Variants in SLC2A14 observed in about 807,000 individuals in gnomAD.
The protein encoded by SLC2A14 is solute carrier family 2, facilitated glucose transporter member 14.
SLC2A14 carries 13 observed loss-of-function variants against 43.0 expected under a neutral mutation model. The observed-to-expected ratio is 0.30, with a 90% CI of 0.20 to 0.48. The LOEUF is 0.48. SLC2A14 is among the 20% of genes least tolerant of loss of function. SLC2A14 has a pLI of 0.99. For synonymous variants in SLC2A14, 190 were observed against 233.8 expected (o/e 0.81, Z 1.71); for missense variants, 428 against 620.4 (o/e 0.69, Z 3.29).
intron 2 of SLC2A14, among the ~76,000 whole-genome samples, chr12:7,853,496 A>T (rs1226224774): frequency 1.3e-5 from 2 of 150,568 alleles, no homozygotes; most frequent in African/African-American, 4.9e-5. Flanking sequence ...GCTACTTGGG[A>T]GGCTGAGGCA....
At chr12:7,841,910 CAGG>C (rs1288942866) in intron 2 of SLC2A14, among the ~76,000 whole-genome samples, 5 of 151,578 alleles carry the variant, frequency 3.3e-5, no homozygotes, top group Non-Finnish European at 5.9e-5. Context: ...GAGGCTGAGG[CAGG>C]AGAATTGACT....
At chr12:7,816,320 G>A (rs1417635644) in intron 10 of SLC2A14, among the ~76,000 whole-genome samples, 1 of 52,506 alleles carries the variant, frequency 1.9e-5, no homozygotes, top group Admixed American at 2.5e-4. Context: ...TAGCCAGGAT[G>A]GTCTCGATCT....
chr12:7,850,463 T>C (rs890572696), intron 2 of SLC2A14, among the ~76,000 whole-genome samples: 3 of 151,902 alleles, frequency 2.0e-5, no homozygotes, highest in Non-Finnish European at 4.4e-5. Flanking sequence ...TGGTGTGATC[T>C]CGGCTCACTG....
chr12:7,827,095 C>CTTTCTCTTTCTT (rs1555122319), intron 7 of SLC2A14, among the ~76,000 whole-genome samples: 1 of 53,570 alleles, frequency 1.9e-5, no homozygotes, highest in African/African-American at 6.4e-5. Context: ...TTCTTTCTTT[C>CTTTCTCTTTCTT]TCTTTCTTTC....
intron 2 of SLC2A14, among the ~76,000 whole-genome samples, chr12:7,858,145 A>G (rs764971317): frequency 6.6e-6 from 1 of 152,218 alleles, no homozygotes; most frequent in African/African-American, 2.4e-5. Flanking sequence ...AAAAAAACAA[A>G]AACAAAATTT....
chr12:7,829,751 G>C lies in SLC2A14; in HGVS notation c.513+15C>G, dbSNP rs937148600. On this transcript the variant is annotated intron_variant, in intron 5 of 10. Transcript: ENST00000431042. Reference sequence around the variant, plus strand: ...TGAAACTAACACTCATTAAGTATGAGAAGTTCTAGAGTACCTGGGCCACCA... The same window carrying C: ...TGAAACTAACACTCATTAAGTATGACAAGTTCTAGAGTACCTGGGCCACCA... 6.2e-7 allele frequency: 1 copy of C among 1,613,582 alleles called. No homozygotes were observed. The highest frequency in any genetic ancestry group is 1.3e-5 in the African/African-American group (1 of 74,832).
chr12:7,847,206 T>C (rs7961726), intron 2 of SLC2A14, among the ~76,000 whole-genome samples: 76,171 of 151,604 alleles, frequency 0.5, 19,152 homozygotes, highest in Middle Eastern at 0.62. Flanking sequence ...GACCCAAGAT[T>C]GTGCCATTGC....
At chr12:7,820,356 G>T (rs372039499) in intron 8 of SLC2A14, among the ~76,000 whole-genome samples, 1 of 152,136 alleles carries the variant, frequency 6.6e-6, no homozygotes, top group African/African-American at 2.4e-5. Flanking sequence ...AGAGGATGTC[G>T]TGGGAATCCT....
chr12:7,887,525 A>G (rs1945706122), intron 1 of SLC2A14, among the ~76,000 whole-genome samples: 1 of 152,006 alleles, frequency 6.6e-6, no homozygotes, highest in African/African-American at 2.4e-5. Flanking sequence ...GCCCTCACAG[A>G]GCTTATATTC....
chr12:7,816,772 A>T (rs1863491614), intron 10 of SLC2A14, among the ~76,000 whole-genome samples: 1 of 151,752 alleles, frequency 6.6e-6, no homozygotes, highest in Non-Finnish European at 1.5e-5. Flanking sequence ...TCATGGCAAG[A>T]TCTTGGCTCA....
chr12:7,885,022 T>C (rs1031796389), intron 1 of SLC2A14, among the ~76,000 whole-genome samples: 2 of 152,128 alleles, frequency 1.3e-5, no homozygotes, highest in African/African-American at 4.8e-5. Context: ...GATGGTTTAG[T>C]CTTTTGAACT....
At chr12:7,842,992 T>G (rs909699450) in intron 2 of SLC2A14, among the ~76,000 whole-genome samples, 19 of 152,198 alleles carry the variant, frequency 1.2e-4, no homozygotes, top group African/African-American at 4.6e-4. Flanking sequence ...CCTCCCAAAG[T>G]GCTGGGATTA....
intron 7 of SLC2A14, among the ~76,000 whole-genome samples, chr12:7,826,854 CTTTCTTTTTTCT>C (rs1368071445): frequency 2.3e-3 from 19 of 8,250 alleles, no homozygotes; most frequent in East Asian, 6.3e-3. Context: ...TCCTTCCTTC[CTTTCTTTTTTCT>C]TTCTTTCTTT....
chr12:7,822,113 C>A (rs1863968896), intron 7 of SLC2A14, among the ~76,000 whole-genome samples: 1 of 151,106 alleles, frequency 6.6e-6, no homozygotes, highest in Non-Finnish European at 1.5e-5. Context: ...CGTGAGCCAC[C>A]ACGCCTGGCC....
At chr12:7,886,056 C>T (rs1367603818) in intron 1 of SLC2A14, among the ~76,000 whole-genome samples, 1 of 150,106 alleles carries the variant, frequency 6.7e-6, no homozygotes, top group African/African-American at 2.4e-5. Flanking sequence ...GCGATCTCAG[C>T]TCACTGCAAC....
rs1444670975 is a variant in SLC2A14 at position 7,828,761 on chromosome 12, G to A, written c.619C>T (p.Pro207Ser). 19 of 1,613,964 alleles carry A rather than the reference G, an allele frequency of 1.2e-5. No homozygotes were observed. Among genetic ancestry groups the A allele is most frequent in the Middle Eastern group, 1.6e-4 (1 of 6,084 alleles). Residue 207 changes from proline to serine, a missense_variant, in exon 6 of 11, where the codon CCT becomes TCT. Physicochemically the swap from Pro to Ser is moderately conservative, Grantham distance 74. Around this residue, in one of 4 missense-constraint regions of SLC2A14, gnomAD observed 185 missense variants for 275.4 expected, o/e 0.67. Coordinates refer to ENST00000431042, the MANE Select transcript of SLC2A14 (RefSeq NM_001286234.2). Reference sequence around the variant, plus strand: ...ATGAGCAAAAATCTGGGACTTTCAGGGCAACATGGAAGGGCTGCACTTTGC... The same window carrying A: ...ATGAGCAAAAATCTGGGACTTTCAGAGCAACATGGAAGGGCTGCACTTTGC... ...ILQSAALPCC[P>S]ESPRFLLINR...
Position 7,831,684 on chromosome 12 carries a change from C to A in SLC2A14, c.192G>T (p.Trp64Cys). ...PPSEVLLTNL[W>C]SLSVAIFSVG... ...CGGAAAATATGGCCACAGACAAGGA[C>A]CAGAGATTCGTGAGCAGCACCTCAG... The change falls in exon 4 of 11, where the codon TGG (tryptophan) becomes TGT (cysteine). Residue 64 changes from tryptophan (W) to cysteine (C), a missense_variant. Around this residue, in one of 4 missense-constraint regions of SLC2A14, gnomAD observed 122 missense variants for 128.8 expected, o/e 0.95. Transcript: ENST00000431042. The A allele has an allele frequency of 6.2e-7, 1 of 1,614,168 alleles. No homozygotes were observed. The highest frequency in any genetic ancestry group is 1.3e-5 in the African/African-American group (1 of 75,038).
chr12:7,851,026 C>A (rs1054520064), intron 2 of SLC2A14, among the ~76,000 whole-genome samples: 3 of 152,146 alleles, frequency 2.0e-5, no homozygotes, highest in African/African-American at 7.2e-5. Flanking sequence ...CAGAGGCTTT[C>A]TGGAGAGAAA....
At chr12:7,841,755 C>T (rs1178346360) in intron 2 of SLC2A14, among the ~76,000 whole-genome samples, 2 of 152,052 alleles carry the variant, frequency 1.3e-5, no homozygotes, top group East Asian at 3.9e-4. Context: ...CGCCTGTAAT[C>T]CCAGAACTTT....
Sources: allele counts gnomAD v4.1 joint callset (sites outside exome capture counted in the v4.1 genomes callset), GRCh38; gene constraint gnomAD v4.1.1; regional missense constraint gnomAD v4.1.1; transcripts MANE v1.5; gene names NCBI Gene and HGNC (gene_info 2026-07-23, HGNC 2026-07-21).